Variants in TYW1 observed in about 807,000 individuals in gnomAD.
TYW1 encodes the protein tRNA-yW synthesizing protein 1 homolog, also known as S-adenosyl-L-methionine-dependent tRNA 4-demethylwyosine synthase TYW1.
TYW1 carries 46 observed loss-of-function variants against 96.2 expected under a neutral mutation model. The observed-to-expected ratio is 0.48, with a 90% CI of 0.38 to 0.61. The LOEUF (loss-of-function observed/expected upper bound fraction) is 0.61, where lower values mean the gene tolerates loss of function less well. Ranked by LOEUF, TYW1 falls within the 20% of genes least tolerant of loss-of-function variation. The pLI, the probability that TYW1 is intolerant of heterozygous loss-of-function variation, is 0.00. For synonymous variants in TYW1, 274 were observed against 323.0 expected, an observed-to-expected ratio of 0.85 and a Z score of 1.63; for missense variants, 684 against 909.6, an observed-to-expected ratio of 0.75 and a Z score of 3.19.
In TYW1 at chr7:67,183,083, G is replaced by A. The variant is rs373627237; in HGVS notation, c.1699-43G>A. ...GAAACCCTCTAGGTTAAGAGGTGAC[G>A]TCCACCAAGATAACAACGAACTTGG... is the stretch of plus-strand genomic sequence containing the variant. On this transcript the variant is annotated intron_variant, in intron 13 of 15. Transcript: ENST00000359626. 401 of 1,524,124 alleles carry A rather than the reference G, an allele frequency of 2.6e-4. 2 individuals carry two copies. In the African/African-American group the frequency reaches 4.9e-3, roughly 18 times the overall value. The allele number at this position is 1,524,124 out of a possible 1,614,324, so 94.4% of individuals were successfully genotyped here.
At chr7:67,052,666 TC>T (rs1795393465) in intron 8 of TYW1, among the ~76,000 whole-genome samples, 1 of 152,196 alleles carries the variant, frequency 6.6e-6, no homozygotes, top group South Asian at 2.1e-4. Context: ...TTTGCATACT[TC>T]ATATCTTTGA....
chr7:67,204,457 CTCCTTCCTCCCTCCCTTCCT>C (rs576559218), intron 15 of TYW1, among the ~76,000 whole-genome samples: 18 of 150,554 alleles, frequency 1.2e-4, no homozygotes, highest in Admixed American at 4.6e-4. Context: ...TTAACTATTT[CTCCTTCCTCCCTCCCTTCCT>C]TCCTTCCTCC....
intron 14 of TYW1, among the ~76,000 whole-genome samples, chr7:67,185,775 G>T (rs1458151179): frequency 6.6e-6 from 1 of 152,164 alleles, no homozygotes; most frequent in Non-Finnish European, 1.5e-5. Context: ...GCTTTTTTAG[G>T]CAACTAATTG....
intron 13 of TYW1, among the ~76,000 whole-genome samples, chr7:67,156,639 G>T (rs868397108): frequency 6.6e-6 from 1 of 152,142 alleles, no homozygotes; most frequent in Non-Finnish European, 1.5e-5. Flanking sequence ...ACTGGGTCTG[G>T]CTGGCATTGT....
intron 13 of TYW1, among the ~76,000 whole-genome samples, chr7:67,147,956 A>AG (rs1798660359): frequency 1.3e-5 from 2 of 149,950 alleles, no homozygotes; most frequent in South Asian, 4.3e-4. Flanking sequence ...AAAAAAAAAA[A>AG]GAAACCCAAA....
intron 11 of TYW1, among the ~76,000 whole-genome samples, chr7:67,086,103 G>T (rs1796542661): frequency 6.6e-6 from 1 of 152,070 alleles, no homozygotes; most frequent in Non-Finnish European, 1.5e-5. Context: ...AGAAGCTAAT[G>T]ATTATTTTAA....
At chr7:67,012,920 C>A (rs949169219) in intron 4 of TYW1, among the ~76,000 whole-genome samples, 5 of 151,358 alleles carry the variant, frequency 3.3e-5, no homozygotes, top group East Asian at 3.9e-4. Flanking sequence ...CAGAAAAAAA[C>A]CTCTAAAATC....
Position 67,050,080 on chromosome 7 carries a change from A to G in TYW1, c.1102+14A>G, listed in dbSNP as rs756569926. On this transcript the variant is annotated intron_variant, in intron 8 of 15. Transcript: ENST00000359626. Reference sequence around the variant, plus strand: ...TTACTAAACAAGGTGAAAATCTTCAAGAATTGTTGTTATATGACTGTAGTC... The same window carrying G: ...TTACTAAACAAGGTGAAAATCTTCAGGAATTGTTGTTATATGACTGTAGTC... 2 of 1,611,982 alleles carry G rather than the reference A, an allele frequency of 1.2e-6. No individual in the cohort carries two copies. Among genetic ancestry groups the G allele is most frequent in the Admixed American group, 1.7e-5 (1 of 59,548 alleles).
chr7:67,120,025 G>A (rs1797713615), intron 13 of TYW1, among the ~76,000 whole-genome samples: 2 of 151,998 alleles, frequency 1.3e-5, no homozygotes, highest in Non-Finnish European at 1.5e-5. Context: ...CCTTGGAAGT[G>A]TTGGGATTAT....
chr7:67,078,152 A>G (rs1379763851), intron 10 of TYW1, among the ~76,000 whole-genome samples: 1 of 151,598 alleles, frequency 6.6e-6, no homozygotes, highest in African/African-American at 2.4e-5. Context: ...CTGGAGTGCA[A>G]TGATGTGATC....
chr7:67,022,800 G>A (rs1350471830), intron 6 of TYW1, among the ~76,000 whole-genome samples: 2 of 152,134 alleles, frequency 1.3e-5, no homozygotes, highest in Non-Finnish European at 2.9e-5. Context: ...TTGTCATCTG[G>A]AAGCAAGGCA....
At chr7:67,049,517 C>T (rs1303675043) in intron 7 of TYW1, among the ~76,000 whole-genome samples, 2 of 151,814 alleles carry the variant, frequency 1.3e-5, no homozygotes, top group Non-Finnish European at 2.9e-5. Context: ...TTCATAACAG[C>T]CCTTTTTAAA....
Position 67,238,604 on chromosome 7 carries a change from C to A in TYW1, c.*75C>A. The A allele has an allele frequency of 6.4e-7, 1 of 1,571,494 alleles. No individual in the cohort carries two copies. Among genetic ancestry groups the A allele is most frequent in the Non-Finnish European group, 8.6e-7 (1 of 1,158,908 alleles). ...AAGGTTCTTGAACACCACTGTGATT[C>A]TCCAAGGACGAATTACGTAAATTAT... On this transcript the variant is annotated 3_prime_UTR_variant, in exon 16 of 16. Transcript: ENST00000359626.
chr7:67,138,637 C>T (rs538508863), intron 13 of TYW1, among the ~76,000 whole-genome samples: 6 of 152,222 alleles, frequency 3.9e-5, no homozygotes, highest in African/African-American at 1.4e-4. Context: ...CACTACCCTT[C>T]CCAGCCTCTG....
At chr7:67,235,825 C>T (rs537992901) in intron 15 of TYW1, among the ~76,000 whole-genome samples, 22 of 145,396 alleles carry the variant, frequency 1.5e-4, no homozygotes, top group South Asian at 2.2e-4. Context: ...ACCCGGGAGG[C>T]GGAGCTTGCA....
chr7:67,149,722 A>ATTATC (rs1554376826), intron 13 of TYW1, among the ~76,000 whole-genome samples: 46 of 140,236 alleles, frequency 3.3e-4, no homozygotes, highest in South Asian at 1.4e-3. Flanking sequence ...AGGAAAAAAA[A>ATTATC]TATCTATCTA....
At position 67,014,389 on chromosome 7, in the gene TYW1, T is replaced by C; in HGVS notation, c.398T>C (p.Val133Ala). 1 of 1,610,446 alleles carries C rather than the reference T, an allele frequency of 6.2e-7. No individual in the cohort carries two copies. The highest frequency in any genetic ancestry group is 8.5e-7 in the Non-Finnish European group (1 of 1,177,806). ...TAGGTGACTAGTAAAAATGTCTGTG[T>C]CTTCCTGGTTGCGACATACACTGAC... is the stretch of plus-strand genomic sequence containing the variant. ...IEEVTSKNVCVFLVATYTDGL... is the reference protein window; with the variant it reads ...IEEVTSKNVCAFLVATYTDGL... The change falls in exon 5 of 16, where the codon GTC (valine) becomes GCC (alanine). Residue 133 changes from valine (V) to alanine (A), a missense_variant. Coordinates refer to ENST00000359626, the MANE Select transcript of TYW1 (RefSeq NM_018264.4).
intron 13 of TYW1, among the ~76,000 whole-genome samples, chr7:67,119,475 A>G (rs1010549089): frequency 6.6e-6 from 1 of 152,054 alleles, no homozygotes; most frequent in Admixed American, 6.6e-5. Context: ...CTGCACATGT[A>G]CCCACCACCT....
intron 7 of TYW1, among the ~76,000 whole-genome samples, chr7:67,037,500 G>A (rs1458020700): frequency 1.6e-5 from 2 of 127,188 alleles, no homozygotes; most frequent in African/African-American, 3.1e-5. Context: ...GCGAAACTCC[G>A]TCTCAAAAAA....
Sources: allele counts gnomAD v4.1 joint callset (sites outside exome capture counted in the v4.1 genomes callset), GRCh38; gene constraint gnomAD v4.1.1; transcripts MANE v1.5; gene names NCBI Gene and HGNC (gene_info 2026-07-23, HGNC 2026-07-21).